PARD3B: variants seen among roughly 807,000 people sequenced by gnomAD.
PARD3B encodes the protein partitioning defective 3 homolog B.
PARD3B carries 103 observed loss-of-function variants against 130.2 expected under a neutral mutation model. The observed-to-expected ratio is 0.79, with a 90% CI of 0.67 to 0.93. The LOEUF is 0.93. Among genes scored for constraint, PARD3B ranks in the 40% least tolerant of loss-of-function variants. The pLI, the probability that PARD3B is intolerant of heterozygous loss-of-function variation, is 0.00. For missense variants in PARD3B, 1,609 were observed against 1,499.2 expected, an observed-to-expected ratio of 1.07 and a Z score of -1.21; for synonymous variants, 583 against 553.2, an observed-to-expected ratio of 1.05 and a Z score of -0.76.
chr2:205,465,467 G>C (rs758198925), intron 20 of PARD3B, among the ~76,000 whole-genome samples: 59 of 152,086 alleles, frequency 3.9e-4, no homozygotes, highest in Non-Finnish European at 7.6e-4. Flanking sequence ...AAATTATTTT[G>C]CTTTCTATAA....
At chr2:205,133,508 C>T (rs569907891) in intron 10 of PARD3B, among the ~76,000 whole-genome samples, 8 of 152,222 alleles carry the variant, frequency 5.3e-5, no homozygotes, top group South Asian at 2.1e-4. Flanking sequence ...TTCTGGTGCT[C>T]ACTCAAGTTT....
At chr2:205,507,122 CAGT>C (rs2050397048) in intron 21 of PARD3B, among the ~76,000 whole-genome samples, 1 of 146,070 alleles carries the variant, frequency 6.8e-6, no homozygotes, top group African/African-American at 2.5e-5. Context: ...GCACAATTCT[CAGT>C]AGCGCTGATT....
At chr2:204,739,069 T>A (rs538864851) in intron 2 of PARD3B, among the ~76,000 whole-genome samples, 20 of 152,270 alleles carry the variant, frequency 1.3e-4, no homozygotes, top group African/African-American at 3.9e-4. Flanking sequence ...GACAATTTTT[T>A]AAATCTACTT....
chr2:205,586,083 A>G (rs916220582), intron 22 of PARD3B, among the ~76,000 whole-genome samples: 2 of 152,342 alleles, frequency 1.3e-5, no homozygotes, highest in Middle Eastern at 3.4e-3. Context: ...TATTTGCAAT[A>G]TAAGTAAGTT....
chr2:205,283,020 A>C (rs529409704), intron 16 of PARD3B, among the ~76,000 whole-genome samples: 60 of 152,308 alleles, frequency 3.9e-4, no homozygotes, highest in African/African-American at 1.3e-3. Flanking sequence ...AGTTCAGGCA[A>C]ATTCTGAAAG....
At chr2:205,536,893 A>G (rs951656853) in intron 21 of PARD3B, among the ~76,000 whole-genome samples, 2 of 152,184 alleles carry the variant, frequency 1.3e-5, no homozygotes, top group Non-Finnish European at 2.9e-5. Context: ...ATAGATGGAC[A>G]TGGCATTACA....
At chr2:204,942,740 G>C (rs981403367) in intron 2 of PARD3B, among the ~76,000 whole-genome samples, 9 of 152,018 alleles carry the variant, frequency 5.9e-5, no homozygotes, top group African/African-American at 2.2e-4. Flanking sequence ...TTCAAGACTG[G>C]TATAAATATT....
chr2:205,593,170 C>T (rs906135205), intron 22 of PARD3B, among the ~76,000 whole-genome samples: 7 of 152,134 alleles, frequency 4.6e-5, no homozygotes, highest in African/African-American at 1.2e-4. Context: ...TTTCTGAAAG[C>T]AATTCTGATT....
chr2:205,339,949 C>T (rs938916578), intron 18 of PARD3B, among the ~76,000 whole-genome samples: 34 of 89,384 alleles, frequency 3.8e-4, no homozygotes, highest in African/African-American at 8.7e-4. Context: ...AGACAATAAA[C>T]AGGAAAATGT....
intron 11 of PARD3B, among the ~76,000 whole-genome samples, chr2:205,167,720 A>G (rs1274875445): frequency 6.6e-6 from 1 of 152,226 alleles, no homozygotes; most frequent in South Asian, 2.1e-4. Context: ...TGTAGAAGCA[A>G]CGTAGCATAA....
intron 2 of PARD3B, among the ~76,000 whole-genome samples, chr2:204,935,373 C>G (rs967097303): frequency 7.8e-6 from 1 of 129,016 alleles, no homozygotes; most frequent in Non-Finnish European, 1.6e-5. Context: ...ACTAAAAATA[C>G]AAAAAAAAAA....
At chr2:204,883,457 T>TA in intron 2 of PARD3B, among the ~76,000 whole-genome samples, 1 of 92,276 alleles carries the variant, frequency 1.1e-5, no homozygotes, top group East Asian at 2.8e-4. Flanking sequence ...ATATATATAT[T>TA]TTTTTTTTTG....
At position 205,172,206 on chromosome 2, in the gene PARD3B, C is replaced by G; in HGVS notation, c.1621-5C>G. The stretch of plus-strand genomic sequence containing the variant: ...TGAATATTGTTTTCCTTTCTTCTGC[C>G]TTAGGATGGTCGTCTGCGAATGAAT... On this transcript the variant is annotated splice_region_variant and splice_polypyrimidine_tract_variant and intron_variant, in intron 11 of 22. Coordinates refer to ENST00000406610, the MANE Select transcript of PARD3B (RefSeq NM_001302769.2). 1 of 1,613,634 alleles carries G rather than the reference C, an allele frequency of 6.2e-7. No individual in the cohort carries two copies. The highest frequency in any genetic ancestry group is 8.5e-7 in the Non-Finnish European group (1 of 1,179,706).
At chr2:205,480,832 G>A (rs1376405822) in intron 20 of PARD3B, among the ~76,000 whole-genome samples, 1 of 152,154 alleles carries the variant, frequency 6.6e-6, no homozygotes, top group Admixed American at 6.5e-5. Flanking sequence ...AAACAAGCAG[G>A]CTAACCAGGT....
At chr2:205,248,753 G>A (rs1218883645) in intron 16 of PARD3B, among the ~76,000 whole-genome samples, 1 of 149,734 alleles carries the variant, frequency 6.7e-6, no homozygotes, top group Non-Finnish European at 1.5e-5. Context: ...GACCACAGGC[G>A]CCCACTACCG....
intron 2 of PARD3B, among the ~76,000 whole-genome samples, chr2:204,896,404 G>A (rs1031380809): frequency 4.6e-5 from 7 of 152,198 alleles, no homozygotes; most frequent in South Asian, 2.1e-4. Context: ...GGGCTCTGGA[G>A]TTAAGCTACC....
At chr2:204,580,510 T>C (rs1411797029) in intron 1 of PARD3B, among the ~76,000 whole-genome samples, 1 of 152,178 alleles carries the variant, frequency 6.6e-6, no homozygotes, top group Non-Finnish European at 1.5e-5. Context: ...TCACTTGTTA[T>C]GGAGGTAGCT....
intron 10 of PARD3B, among the ~76,000 whole-genome samples, chr2:205,139,731 TA>T (rs11383399): frequency 4.0e-4 from 58 of 146,066 alleles, no homozygotes; most frequent in South Asian, 1.1e-3. Context: ...AGTATGATTG[TA>T]AAAAAAAAAA....
intron 2 of PARD3B, among the ~76,000 whole-genome samples, chr2:204,850,647 G>A (rs1477280609): frequency 2.0e-5 from 3 of 152,104 alleles, no homozygotes; most frequent in Non-Finnish European, 4.4e-5. Context: ...TTAGTGGGCA[G>A]TGCTGGCAGG....
Sources: allele counts gnomAD v4.1 joint callset (sites outside exome capture counted in the v4.1 genomes callset), GRCh38; gene constraint gnomAD v4.1.1; transcripts MANE v1.5; gene names NCBI Gene and HGNC (gene_info 2026-07-23, HGNC 2026-07-21).